The following ZNF33A variants were observed in gnomAD, a reference collection of about 807,000 sequenced individuals.
ZNF33A encodes zinc finger protein 33A, also known as brain my041 protein.
In ZNF33A, 9 loss-of-function variants were observed where a neutral mutation model predicts 15.9. The ratio of observed to expected loss-of-function variants is 0.57; its 90% CI spans 0.34 to 0.99. The LOEUF is 0.99. Among genes scored for constraint, ZNF33A ranks in the 50% least tolerant of loss-of-function variants. The pLI is 0.02. For synonymous variants in ZNF33A, 294 were observed against 324.2 expected (o/e 0.91, Z 1.00); for missense variants, 843 against 941.6 (o/e 0.90, Z 1.37).
intron 4 of ZNF33A, among the ~76,000 whole-genome samples, chr10:38,028,364 C>G (rs927762449): frequency 2.0e-5 from 3 of 152,130 alleles, no homozygotes; most frequent in Non-Finnish European, 4.4e-5. Flanking sequence ...TTAAACTAAT[C>G]ACCAACAAGG....
intron 4 of ZNF33A, among the ~76,000 whole-genome samples, chr10:38,042,165 T>A (rs2065730961): frequency 6.6e-6 from 1 of 152,126 alleles, no homozygotes; most frequent in Admixed American, 6.6e-5. Context: ...ATTTCCTTAC[T>A]CTGGCACAGA....
chr10:38,049,419 T>A (rs2066097282), intron 4 of ZNF33A, among the ~76,000 whole-genome samples: 1 of 152,026 alleles, frequency 6.6e-6, no homozygotes, highest in Non-Finnish European at 1.5e-5. Flanking sequence ...GTCATTGATT[T>A]GAGATCTTTC....
At chr10:38,054,269 G>A (rs1564874820) in intron 4 of ZNF33A, 106 bp from the exon 5 acceptor site, 7 of 1,228,164 alleles carry the variant, frequency 5.7e-6, no homozygotes, top group Middle Eastern at 2.9e-4. Context: ...TCTGGAAACT[G>A]GCCAAAAAAC....
rs186942770 is a variant in ZNF33A, at chr10:38,054,593, A to G, written c.469A>G (p.Ile157Val). The change falls in exon 5 of 5, where the codon ATC becomes GTC. Residue 157 changes from isoleucine (I) to valine (V), a missense_variant. By Grantham distance (29) the Ile-to-Val change is conservative. Coordinates refer to ENST00000432900, the MANE Select transcript of ZNF33A (RefSeq NM_006954.2). The stretch of plus-strand genomic sequence containing the variant: ...TTTCAACACTGTTTCAGAATTGGTT[A>G]TCAGTAAGATAAACTATTTAGGAAA... ...MSFNTVSELV[I>V]SKINYLGKKS... The G allele has an allele frequency of 3.4e-5, 54 of 1,611,384 alleles. No homozygotes were observed. The highest frequency in any genetic ancestry group is 2.1e-4 in the African/African-American group (16 of 74,844).
chr10:38,038,478 T>C (rs932538459), intron 4 of ZNF33A, among the ~76,000 whole-genome samples: 1 of 152,222 alleles, frequency 6.6e-6, no homozygotes, highest in African/African-American at 2.4e-5. Context: ...TTGAACTCTT[T>C]TATTAGTTTT....
At chr10:38,066,950 A>G (rs977751709), downstream of ZNF33A, among the ~76,000 whole-genome samples, 1 of 152,154 alleles carries the variant, frequency 6.6e-6, no homozygotes, top group African/African-American at 2.4e-5. Context: ...ACAGTAGAAA[A>G]GAAACAAAAA....
intron 4 of ZNF33A, among the ~76,000 whole-genome samples, chr10:38,022,252 A>G (rs1421455949): frequency 6.6e-6 from 1 of 152,224 alleles, no homozygotes; most frequent in Non-Finnish European, 1.5e-5. Context: ...GATTTAAAAT[A>G]TAGAATGAGA....
rs771506288 is a variant in ZNF33A at position 38,012,351 on chromosome 10, G to A, written c.9+1G>A. 1 of 1,611,158 alleles carries A rather than the reference G, an allele frequency of 6.2e-7. No homozygotes were observed. Among genetic ancestry groups the A allele is most frequent in the Non-Finnish European group, 8.5e-7 (1 of 1,178,518 alleles). On this transcript the variant is annotated splice_donor_variant, in intron 2 of 4. Coordinates refer to ENST00000432900, the MANE Select transcript of ZNF33A (RefSeq NM_006954.2). LOFTEE classifies it high-confidence loss of function. Reference sequence around the variant, plus strand: ...CCAAGAACAGAACAAAATGAACAAGGTAAGTTGTTTATTAATTCCCTACTT... The same window carrying A: ...CCAAGAACAGAACAAAATGAACAAGATAAGTTGTTTATTAATTCCCTACTT...
intron 4 of ZNF33A, among the ~76,000 whole-genome samples, chr10:38,026,465 G>C (rs1590533579): frequency 6.6e-6 from 1 of 152,298 alleles, no homozygotes; most frequent in East Asian, 1.9e-4. Flanking sequence ...TTCCCGAGTA[G>C]CTGGGACTAC....
intron 4 of ZNF33A, among the ~76,000 whole-genome samples, chr10:38,049,996 C>T (rs972279288): frequency 4.6e-5 from 7 of 152,278 alleles, no homozygotes; most frequent in Non-Finnish European, 7.4e-5. Context: ...TAAACAGCTA[C>T]TACTGCTTAC....
chr10:38,013,235 C>G (rs146573640), intron 2 of ZNF33A, among the ~76,000 whole-genome samples: 1 of 151,986 alleles, frequency 6.6e-6, no homozygotes, highest in South Asian at 2.1e-4. Flanking sequence ...CTCAGCCTCC[C>G]GAGTAGCTGG....
intron 2 of ZNF33A, among the ~76,000 whole-genome samples, chr10:38,016,327 A>G (rs1270274030): frequency 6.6e-6 from 1 of 152,222 alleles, no homozygotes; most frequent in Non-Finnish European, 1.5e-5. Flanking sequence ...AAATTACTCT[A>G]TAACCCATTT....
chr10:38,021,688 T>G (rs1279339014), intron 4 of ZNF33A, among the ~76,000 whole-genome samples: 1 of 152,150 alleles, frequency 6.6e-6, no homozygotes, highest in Non-Finnish European at 1.5e-5. Flanking sequence ...ATAAAATTTT[T>G]TTCTCAAGTG....
In ZNF33A at chr10:38,055,368, G is replaced by A. The variant is rs1477830033; in HGVS notation, c.1244G>A (p.Cys415Tyr). 6.2e-7 allele frequency: 1 copy of A among 1,614,002 alleles called. No homozygotes were observed. The highest frequency in any genetic ancestry group is 1.3e-5 in the African/African-American group (1 of 74,924). ...RTHTGEKPYQ[C>Y]NACGKTFCQK... ...CATACAGGGGAGAAACCCTATCAAT[G>A]TAATGCGTGTGGGAAAACTTTTTGC... The change falls in exon 5 of 5, where the codon TGT (cysteine) becomes TAT (tyrosine). Residue 415 changes from cysteine (C) to tyrosine (Y), a missense_variant. Coordinates refer to ENST00000432900, the MANE Select transcript of ZNF33A (RefSeq NM_006954.2).
At chr10:38,048,537 T>C (rs1314583203) in intron 4 of ZNF33A, among the ~76,000 whole-genome samples, 1 of 152,214 alleles carries the variant, frequency 6.6e-6, no homozygotes, top group Non-Finnish European at 1.5e-5. Context: ...CCAGTCATGC[T>C]GCCTACAAAG....
At chr10:38,052,102 A>G (rs2066235976) in intron 4 of ZNF33A, among the ~76,000 whole-genome samples, 1 of 152,168 alleles carries the variant, frequency 6.6e-6, no homozygotes, top group Non-Finnish European at 1.5e-5. Context: ...TTGATAGTGT[A>G]ATATATACTA....
chr10:38,035,500 T>G lies in ZNF33A; in HGVS notation c.250+18114T>G, dbSNP rs545466981. Among the ~76,000 whole-genome samples the G allele has an allele frequency of 2.0e-5, 3 of 152,300 alleles. No individual in the cohort carries two copies. In the East Asian group the frequency reaches 5.8e-4, roughly 29 times the overall value. On this transcript the variant is annotated intron_variant, in intron 4 of 4. Transcript: ENST00000432900. ...TTGTTAATTATGCCTATGTGGAAAA[T>G]AATTTTATAATTTTATCAACTAAAA...
rs1564888942 is a variant in ZNF33A, at chr10:38,058,681, G to A, written c.*2121G>A. 1 of 152,280 alleles carries A rather than the reference G, an allele frequency of 6.6e-6. No homozygotes were observed. The highest frequency in any genetic ancestry group is 2.4e-5 in the African/African-American group (1 of 41,450). 9.4% of individuals were successfully genotyped at this position (152,280 alleles called of 1,614,324 possible). ...AGCTACTCAGGAGGCTGAGGCAGAA[G>A]AATCACTTGAACCTGGGAGGTGGAT... On this transcript the variant is annotated 3_prime_UTR_variant, in exon 5 of 5. Transcript: ENST00000432900.
chr10:38,044,185 A>G (rs2065844565), intron 4 of ZNF33A, among the ~76,000 whole-genome samples: 1 of 149,306 alleles, frequency 6.7e-6, no homozygotes, highest in Admixed American at 6.7e-5. Context: ...TTTGCCAGCT[A>G]CAACCTTTCT....
Sources: gnomAD v4.1 joint callset for allele counts (sites outside exome capture counted in the v4.1 genomes callset) on GRCh38, gnomAD v4.1.1 for gene constraint, MANE v1.5 for transcripts, NCBI Gene and HGNC (gene_info 2026-07-23, HGNC 2026-07-21) for gene names.